Variants in DOK4 observed in about 807,000 individuals in gnomAD.
DOK4 encodes the protein docking protein 4, also known as downstream of tyrosine kinase 4.
DOK4 carries 26 observed loss-of-function variants against 40.1 expected under a neutral mutation model. The observed-to-expected ratio is 0.65, with a 90% CI of 0.48 to 0.90. The LOEUF is 0.90. Among genes scored for constraint, DOK4 ranks in the 40% least tolerant of loss-of-function variants. DOK4 has a pLI of 0.00. For missense variants in DOK4, 392 were observed against 437.2 expected (o/e 0.90, Z 0.92); for synonymous variants, 179 against 177.0 (o/e 1.01, Z -0.09).
At chr16:57,473,200 G>T in exon 9 of DOK4, 1 of 874,608 alleles carries the variant, frequency 1.1e-6, no homozygotes, top group Non-Finnish European at 1.7e-6. Context: ...ACATGCTCAG[G>T]TGGTGTGGCC....
chr16:57,480,924 C>A (rs1173619119), intron 1 of DOK4, among the ~76,000 whole-genome samples: 1 of 152,136 alleles, frequency 6.6e-6, no homozygotes. Flanking sequence ...GTGATGGAGA[C>A]CAGTCTGTGG....
At position 57,475,499 on chromosome 16, in the gene DOK4, G is replaced by GC; in HGVS notation, c.289+6dup. On this transcript the variant is annotated splice_region_variant and intron_variant, in intron 4 of 8. Transcript: ENST00000340099. ...GAGGCAGATGGAGGCCCATACTCGCGCCTCACCTGAGTCGCAGGTGAAGGT... is the reference window on the plus strand; with the variant it reads ...GAGGCAGATGGAGGCCCATACTCGCGCCCTCACCTGAGTCGCAGGTGAAGGT... 1 of 1,597,356 alleles carries GC rather than the reference G, an allele frequency of 6.3e-7. No individual in the cohort carries two copies. Among genetic ancestry groups the GC allele is most frequent in the Non-Finnish European group, 8.5e-7 (1 of 1,171,648 alleles).
At chr16:57,474,646 C>T in intron 6 of DOK4, 147 bp downstream of exon 6, 9 of 1,030,576 alleles carry the variant, frequency 8.7e-6, no homozygotes, top group Non-Finnish European at 1.1e-5. Context: ...TTCATTTCTT[C>T]GTCTGTAAAA....
At chr16:57,486,526 T>G (rs1188612554), upstream of DOK4, 2 of 151,304 alleles carry the variant, frequency 1.3e-5, no homozygotes, top group Non-Finnish European at 3.0e-5. Flanking sequence ...GTCTCGCCGC[T>G]GCGCCCCGCC....
At chr16:57,473,708 G>C in exon 8 of DOK4, 1 of 1,613,776 alleles carries the variant, frequency 6.2e-7, no homozygotes, top group East Asian at 2.2e-5. Context: ...GCAGGGATAC[G>C]AGTAATGTTC....
chr16:57,481,626 T>C (rs2031411416), intron 1 of DOK4: 1 of 152,056 alleles, frequency 6.6e-6, no homozygotes, highest in Admixed American at 6.5e-5. Context: ...AAGCCCCCAG[T>C]CAGAACACGC....
In DOK4 at chr16:57,485,041, C is replaced by T. The variant is rs2146674770; in HGVS notation, c.-182+1264G>A. 6.6e-6 allele frequency among the ~76,000 whole-genome samples: 1 copy of T among 152,358 alleles called. No homozygotes were observed. The highest frequency in any genetic ancestry group is 1.9e-4 in the East Asian group (1 of 5,184). On this transcript the variant is annotated intron_variant, in intron 1 of 8. Coordinates refer to ENST00000340099, the Ensembl canonical transcript of DOK4. The surrounding 1 kb of genome is among the most constrained non-coding windows in gnomAD (Gnocchi z 4.3). The stretch of plus-strand genomic sequence containing the variant: ...TCCAGGACTTGTCCTCCTCCCCATC[C>T]TTTCTTCCACCACCACCAGCCTCCA...
chr16:57,476,569 G>A (rs764764822), intron 2 of DOK4, among the ~76,000 whole-genome samples: 2 of 152,174 alleles, frequency 1.3e-5, no homozygotes, highest in Non-Finnish European at 2.9e-5. Flanking sequence ...TGAGTCAGGT[G>A]AGGGTCTTTA....
chr16:57,475,791 T>A, intron 3 of DOK4, 59 bp downstream of exon 3: 1 of 1,291,490 alleles, frequency 7.7e-7, no homozygotes, highest in Non-Finnish European at 1.1e-6. Context: ...TCTCCCTCTC[T>A]CTCTCTCCAT....
In DOK4 at chr16:57,473,720, G is replaced by A. The variant is rs147737584; in HGVS notation, c.755C>T (p.Thr252Met). 31 of 1,611,650 alleles carry A rather than the reference G, an allele frequency of 1.9e-5. No individual in the cohort carries two copies. The highest frequency in any genetic ancestry group is 3.3e-4 in the Middle Eastern group (2 of 6,076). Reference sequence around the variant, plus strand: ...TGTGCAGGGATACGAGTAATGTTCCGTGCCCTTGTTCAGCAGCTGTGGGGC... The same window carrying A: ...TGTGCAGGGATACGAGTAATGTTCCATGCCCTTGTTCAGCAGCTGTGGGGC... The change falls in exon 8 of 9, where the codon ACG becomes ATG. Residue 252 changes from threonine to methionine, a missense_variant. By Grantham distance (81) the Thr-to-Met change is moderately conservative (BLOSUM62 -1). Transcript: ENST00000340099.
Position 57,479,409 on chromosome 16 carries a change from G to C in DOK4, c.66+33C>G. The C allele has an allele frequency of 6.2e-7, 1 of 1,610,548 alleles. No individual in the cohort carries two copies. Among genetic ancestry groups the C allele is most frequent in the Non-Finnish European group, 8.5e-7 (1 of 1,178,446 alleles). ...CCGAGTCCTCGGGCCCCCATCCCTT[G>C]GCAGGGCCCCTCCGCAGCTCAGGGT... On this transcript the variant is annotated intron_variant, in intron 2 of 8. Transcript: ENST00000340099. This position sits in a 1 kb window ranked among gnomAD's most constrained non-coding sequence, Gnocchi z 5.8.
chr16:57,472,224 A>G (rs970705906), exon 9 of DOK4: 5 of 152,556 alleles, frequency 3.3e-5, no homozygotes, highest in Non-Finnish European at 5.9e-5. Context: ...CCACAACTCA[A>G]ATAGTGGTTA....
At position 57,474,068 on chromosome 16, in the gene DOK4, G is replaced by T. The variant is rs1233984779; in HGVS notation, c.600-29C>A. 4 of 1,612,386 alleles carry T rather than the reference G, an allele frequency of 2.5e-6. No individual in the cohort carries two copies. In the African/African-American group the frequency reaches 5.3e-5, roughly 22 times the overall value. ...GGGACACAGCACAGAGGGCAAGATG[G>T]TGGGGACCCACCACAGACATGCATG... is the stretch of plus-strand genomic sequence containing the variant. On this transcript the variant is annotated intron_variant, in intron 6 of 8. Transcript: ENST00000340099.
At chr16:57,478,149 G>C (rs2031265875) in intron 2 of DOK4, among the ~76,000 whole-genome samples, 1 of 152,240 alleles carries the variant, frequency 6.6e-6, no homozygotes, top group African/African-American at 2.4e-5. Flanking sequence ...TTCTCTCTTT[G>C]TTCTGTGCTC....
chr16:57,473,507 G>C lies in DOK4; in HGVS notation c.863-12C>G. 6.2e-7 allele frequency: 1 copy of C among 1,614,198 alleles called. No individual in the cohort carries two copies. Among genetic ancestry groups the C allele is most frequent in the Non-Finnish European group, 8.5e-7 (1 of 1,180,032 alleles). On this transcript the variant is annotated splice_polypyrimidine_tract_variant and intron_variant, in intron 8 of 8. Transcript: ENST00000340099. ...CCCATACCCCTCACCTGTGGGCACA[G>C]AAGCAGGCTCAGAACTCAGAGCTAG...
At chr16:57,486,853 C>T (rs1360142102), upstream of DOK4, among the ~76,000 whole-genome samples, 1 of 152,136 alleles carries the variant, frequency 6.6e-6, no homozygotes, top group Non-Finnish European at 1.5e-5. Context: ...ACATACACAC[C>T]CATTGCTCCC....
chr16:57,483,309 G>A (rs1301207721), intron 1 of DOK4, among the ~76,000 whole-genome samples: 2 of 152,290 alleles, frequency 1.3e-5, no homozygotes, highest in East Asian at 3.9e-4. Context: ...CCCAAGCTGA[G>A]CCTGTGAAGG....
intron 2 of DOK4, chr16:57,476,235 T>G (rs1443330537): frequency 2.2e-6 from 1 of 444,878 alleles, no homozygotes; most frequent in South Asian, 2.4e-5. Context: ...TGTGCACCGC[T>G]GAGTTTAGTG....
chr16:57,473,852 G>GC, intron 7 of DOK4, 49 bp downstream of exon 7: 2 of 1,582,698 alleles, frequency 1.3e-6, no homozygotes, highest in Non-Finnish European at 1.7e-6. Flanking sequence ...CTGCCTGCCC[G>GC]CCCGTTCCCC....
Sources: allele counts gnomAD v4.1 joint callset (sites outside exome capture counted in the v4.1 genomes callset), GRCh38; gene constraint gnomAD v4.1.1; non-coding constraint Gnocchi (gnomAD v3.1); transcripts MANE v1.5; gene names NCBI Gene and HGNC (gene_info 2026-07-23, HGNC 2026-07-21).